The following GRM5 variants were observed in gnomAD, a reference collection of about 807,000 sequenced individuals.
GRM5 encodes the protein metabotropic glutamate receptor 5.
In GRM5, 19 loss-of-function variants were observed where a neutral mutation model predicts 83.1. The ratio of observed to expected loss-of-function variants is 0.23; its 90% CI spans 0.16 to 0.34. The LOEUF (loss-of-function observed/expected upper bound fraction) is 0.34. GRM5 is among the 10% of genes least tolerant of loss of function. GRM5 has a pLI of 1.00. For missense variants in GRM5, 1,160 were observed against 1,588.3 expected (o/e 0.73, Z 4.58); for synonymous variants, 675 against 633.6 (o/e 1.07, Z -0.98).
chr11:88,740,429 T>C (rs1407617150), intron 3 of GRM5, among the ~76,000 whole-genome samples: 1 of 152,106 alleles, frequency 6.6e-6, no homozygotes, highest in African/African-American at 2.4e-5. Flanking sequence ...GCAGTACATA[T>C]ATTTTTAGAG....
chr11:89,002,873 CCTCTT>C (rs1940423946), intron 2 of GRM5, among the ~76,000 whole-genome samples: 1 of 152,018 alleles, frequency 6.6e-6, no homozygotes, highest in African/African-American at 2.4e-5. Context: ...GCTCTAAAGT[CCTCTT>C]CTCAGTAAGG....
At chr11:88,561,367 G>T (rs1942750607) in intron 8 of GRM5, among the ~76,000 whole-genome samples, 2 of 152,134 alleles carry the variant, frequency 1.3e-5, no homozygotes, top group Admixed American at 6.6e-5. Flanking sequence ...CAACACTAAT[G>T]ATTCTGCCCC....
In GRM5 at chr11:88,826,799, A is replaced by G. The variant is rs1943901488; in HGVS notation, c.911+23107T>C. Among the ~76,000 whole-genome samples, 3 of 152,316 alleles carry G rather than the reference A, an allele frequency of 2.0e-5. No individual in the cohort carries two copies. In the South Asian group the frequency reaches 6.2e-4, roughly 32 times the overall value. ...CCTTTATCTACTTAAAAATCACAAG[A>G]CTATGTAGACTTTTAGGAATAAAAT... On this transcript the variant is annotated intron_variant, in intron 3 of 9. Coordinates refer to ENST00000305447, the MANE Select transcript of GRM5 (RefSeq NM_001143831.3).
At chr11:88,997,169 A>T (rs1161739620) in intron 2 of GRM5, among the ~76,000 whole-genome samples, 3 of 152,062 alleles carry the variant, frequency 2.0e-5, no homozygotes, top group Admixed American at 6.5e-5. Context: ...TACTAAAAAT[A>T]CAAAAAAATT....
rs200728683 is a variant in GRM5 at position 88,508,815 on chromosome 11, G to A, written c.3416C>T (p.Ala1139Val). 2.0e-6 allele frequency: 3 copies of A among 1,525,584 alleles called. No individual in the cohort carries two copies. The highest frequency in any genetic ancestry group is 2.6e-6 in the Non-Finnish European group (3 of 1,136,982). The allele number at this position is 1,525,584 out of a possible 1,614,324, so 94.5% of individuals were successfully genotyped here. A position where few individuals can be genotyped will look rare whatever the true frequency, so the allele number is the denominator to read the frequency against. Residue 1139 changes from alanine (A) to valine (V), a missense_variant, in exon 10 of 10, where the codon GCG (alanine) becomes GTG (valine). This residue lies in a region of GRM5 where 562 missense variants were observed against 532.4 expected (regional missense o/e 1.06). Transcript: ENST00000305447. This position sits in a 1 kb window ranked among gnomAD's most constrained non-coding sequence, Gnocchi z 4.2. Reference sequence around the variant, plus strand: ...ACCGGCCGCGGGGCTCTCCCGGGCCGCGTCCCCAGCCGCCTGCGCCCCTGC... The same window carrying A: ...ACCGGCCGCGGGGCTCTCCCGGGCCACGTCCCCAGCCGCCTGCGCCCCTGC... The part of the protein sequence containing the change: ...PAAGAQAAGD[A>V]ARESPAAGPE...
intron 3 of GRM5, among the ~76,000 whole-genome samples, chr11:88,689,876 C>G (rs1197336386): frequency 6.6e-6 from 1 of 152,098 alleles, no homozygotes; most frequent in African/African-American, 2.4e-5. Context: ...ATAAACAGGC[C>G]TGATCTCTTT....
chr11:88,854,056 G>GTGTATATATATATATATATATATA (rs1491377317), intron 2 of GRM5, among the ~76,000 whole-genome samples: 1 of 17,774 alleles, frequency 5.6e-5, no homozygotes, highest in African/African-American at 2.0e-4. Flanking sequence ...AAAAAATGTG[G>GTGTATATATATATATATATATATA]TGTATATATA....
intron 2 of GRM5, among the ~76,000 whole-genome samples, chr11:88,861,898 C>T (rs1226209376): frequency 1.3e-5 from 2 of 152,150 alleles, no homozygotes; most frequent in South Asian, 2.1e-4. Flanking sequence ...CCATAAAAGA[C>T]TGTGAGACAG....
intron 2 of GRM5, among the ~76,000 whole-genome samples, chr11:89,019,146 G>A (rs917303930): frequency 2.0e-5 from 3 of 152,044 alleles, no homozygotes; most frequent in African/African-American, 4.8e-5. Context: ...AGCACGAATC[G>A]GGTATTTTGT....
intron 3 of GRM5, among the ~76,000 whole-genome samples, chr11:88,658,482 T>C (rs72639191): frequency 2.0e-5 from 3 of 152,112 alleles, no homozygotes; most frequent in Admixed American, 2.0e-4. Flanking sequence ...TGAAATTGTA[T>C]TGAAACTGAG....
Position 88,725,908 on chromosome 11 carries a change from G to A in GRM5, c.912-72505C>T, listed in dbSNP as rs1431028052. Among the ~76,000 whole-genome samples the A allele has an allele frequency of 1.3e-5, 2 of 152,134 alleles. 1 individual carries two copies. Among genetic ancestry groups the A allele is most frequent in the Non-Finnish European group, 2.9e-5 (2 of 68,020 alleles). ...TCACCAACATCAAAGACCAAAGGTAGATAAATCCACGAAGATGAGAAAAAA... is the reference window on the plus strand; with the variant it reads ...TCACCAACATCAAAGACCAAAGGTAAATAAATCCACGAAGATGAGAAAAAA... On this transcript the variant is annotated intron_variant, in intron 3 of 9. Transcript: ENST00000305447.
At chr11:88,837,195 A>G (rs1231409138) in intron 3 of GRM5, among the ~76,000 whole-genome samples, 2 of 152,194 alleles carry the variant, frequency 1.3e-5, no homozygotes, top group African/African-American at 2.4e-5. Flanking sequence ...AGAGAAAAAC[A>G]TATTATCTTA....
intron 1 of GRM5, among the ~76,000 whole-genome samples, chr11:89,064,888 C>CTCTCTCTGTGTGTGTGTGTGTGTG (rs1218318990): frequency 4.8e-5 from 3 of 62,262 alleles, no homozygotes; most frequent in Admixed American, 1.7e-4. Flanking sequence ...CTCTCTCTCT[C>CTCTCTCTGTGTGTGTGTGTGTGTG]TGTGTGTGTG....
intron 3 of GRM5, among the ~76,000 whole-genome samples, chr11:88,736,351 C>T (rs1375211063): frequency 6.6e-6 from 1 of 152,024 alleles, no homozygotes; most frequent in East Asian, 1.9e-4. Context: ...TTATCCAACC[C>T]TTACTCAGGT....
intron 2 of GRM5, among the ~76,000 whole-genome samples, chr11:88,864,297 T>C (rs1207017716): frequency 3.3e-5 from 5 of 151,592 alleles, no homozygotes; most frequent in Admixed American, 2.0e-4. Context: ...TGAATTAAAC[T>C]GCAAGTAAGA....
intron 3 of GRM5, among the ~76,000 whole-genome samples, chr11:88,729,427 T>C (rs577442247): frequency 1.8e-4 from 27 of 152,044 alleles, no homozygotes; most frequent in Admixed American, 1.5e-3. Context: ...TAGGAAGAAT[T>C]ATATTGTGAA....
Position 88,670,531 on chromosome 11 carries a change from ATG to A in GRM5, c.912-17130_912-17129del, listed in dbSNP as rs368805602. On this transcript the variant is annotated intron_variant, in intron 3 of 9. Transcript: ENST00000305447. Reference sequence around the variant, plus strand: ...GTGTATACAGATGACAGATACCAAAATGATAGCTAGATAGGCAAAAAGTCTGA... The same window carrying A: ...GTGTATACAGATGACAGATACCAAAAATAGCTAGATAGGCAAAAAGTCTGA... 7.0e-4 allele frequency among the ~76,000 whole-genome samples: 45 copies of A among 64,010 alleles called. No individual in the cohort carries two copies. The East Asian group carries it at 0.017, about 24-fold the overall frequency. The allele number at this position is 64,010 out of a possible 152,430, so 42.0% of individuals were successfully genotyped here. A position where few individuals can be genotyped will look rare whatever the true frequency, so the allele number is the denominator to read the frequency against.
chr11:88,567,460 G>A lies in GRM5; in HGVS notation c.2223C>T (p.Val741=). Residue 741 remains valine (V), a synonymous_variant, in exon 8 of 10, where the codon GTC becomes GTT. Coordinates refer to ENST00000305447, the MANE Select transcript of GRM5 (RefSeq NM_001143831.3). The surrounding 1 kb of genome is among the most constrained non-coding windows in gnomAD (Gnocchi z 7.3). ...ACAATCCATTGTATCCAAGTGGAGT[G>A]ACAACTCCTAGGTTGGTGGTGTTAC... is the stretch of plus-strand genomic sequence containing the variant. ...LICNTTNLGV[V]TPLGYNGLLI... The A allele has an allele frequency of 6.2e-7, 1 of 1,613,888 alleles. No individual in the cohort carries two copies. The highest frequency in any genetic ancestry group is 8.5e-7 in the Non-Finnish European group (1 of 1,179,744).
intron 3 of GRM5, among the ~76,000 whole-genome samples, chr11:88,664,361 C>T (rs1421577094): frequency 3.3e-5 from 5 of 151,926 alleles, no homozygotes; most frequent in Non-Finnish European, 7.4e-5. Flanking sequence ...TGTGTCTGTA[C>T]TGAACATGTA....
Sources: allele counts gnomAD v4.1 joint callset (sites outside exome capture counted in the v4.1 genomes callset), GRCh38; gene constraint gnomAD v4.1.1; regional missense constraint gnomAD v4.1.1; non-coding constraint Gnocchi (gnomAD v3.1); transcripts MANE v1.5; gene names NCBI Gene and HGNC (gene_info 2026-07-23, HGNC 2026-07-21).